The following LUC7L2 variants were observed in gnomAD, a reference collection of about 807,000 sequenced individuals.
LUC7L2 encodes putative RNA-binding protein Luc7-like 2.
A neutral mutation model predicts 52.8 loss-of-function variants in LUC7L2; 25 were observed. That is an observed-to-expected ratio of 0.47 (90% CI 0.34 to 0.66). The LOEUF is 0.66. Ranked by LOEUF, LUC7L2 falls within the 30% of genes least tolerant of loss-of-function variation. LUC7L2 has a pLI of 0.01. For synonymous variants in LUC7L2, 144 were observed against 160.9 expected (o/e 0.89, Z 0.80); for missense variants, 328 against 497.8 (o/e 0.66, Z 3.25).
intron 2 of LUC7L2, among the ~76,000 whole-genome samples, chr7:139,382,269 C>T (rs1801071662): frequency 6.6e-6 from 1 of 152,104 alleles, no homozygotes; most frequent in South Asian, 2.1e-4. Flanking sequence ...AAGTGATCTG[C>T]CTGCCTAAGC....
intron 2 of LUC7L2, among the ~76,000 whole-genome samples, chr7:139,384,545 A>G (rs1794105233): frequency 6.6e-6 from 1 of 152,222 alleles, no homozygotes; most frequent in South Asian, 2.1e-4. Flanking sequence ...AGACTGCCTA[A>G]ATAAAAAATG....
rs755416651 is a variant in LUC7L2 at position 139,392,460 on chromosome 7, A to G, written c.157-6139A>G. ...AAACAATATAAAATGCTGTGGAGCTATAAGTTACCAGGATCAGGTATAGTT... is the reference window on the plus strand; with the variant it reads ...AAACAATATAAAATGCTGTGGAGCTGTAAGTTACCAGGATCAGGTATAGTT... On this transcript the variant is annotated intron_variant, in intron 2 of 9. Transcript: ENST00000354926. 6.8e-5 allele frequency: 28 copies of G among 411,812 alleles called. 1 individual carries two copies. The highest frequency in any genetic ancestry group is 4.1e-4 in the South Asian group (23 of 56,194). 25.5% of individuals were successfully genotyped at this position (411,812 alleles called of 1,614,324 possible).
chr7:139,342,784 G>T (rs1799058795), intron 1 of LUC7L2, among the ~76,000 whole-genome samples: 1 of 152,154 alleles, frequency 6.6e-6, no homozygotes, highest in Non-Finnish European at 1.5e-5. Flanking sequence ...TTTTAAGGAG[G>T]TGACATGATT....
Position 139,386,008 on chromosome 7 carries a change from A to AT in LUC7L2, c.156+9863dup, listed in dbSNP as rs956021945. The stretch of plus-strand genomic sequence containing the variant: ...AAGAAATGAAAACTTGAAAACAATA[A>AT]TTTTTTTTTTTGAGACCAGAGTCTT... On this transcript the variant is annotated intron_variant, in intron 2 of 9. Coordinates refer to ENST00000354926, the MANE Select transcript of LUC7L2 (RefSeq NM_016019.5). 2.1e-4 allele frequency among the ~76,000 whole-genome samples: 31 copies of AT among 149,402 alleles called. 1 individual carries two copies. The highest frequency in any genetic ancestry group is 3.9e-4 in the African/African-American group (16 of 40,944).
At position 139,405,632 on chromosome 7, in the gene LUC7L2, A is replaced by T. The variant is rs760512226; in HGVS notation, c.367-12A>T. The T allele has an allele frequency of 6.4e-7, 1 of 1,573,804 alleles. No individual in the cohort carries two copies. ...TTGTTTATTCATGATCTTCTTTTTTATTTCTTTTTAGGCAGAACGTGTTCA... is the reference window on the plus strand; with the variant it reads ...TTGTTTATTCATGATCTTCTTTTTTTTTTCTTTTTAGGCAGAACGTGTTCA... On this transcript the variant is annotated splice_polypyrimidine_tract_variant and intron_variant, in intron 4 of 9. Coordinates refer to ENST00000354926, the MANE Select transcript of LUC7L2 (RefSeq NM_016019.5).
intron 9 of LUC7L2, 66 bp from the exon 10 acceptor site, chr7:139,422,097 C>T (rs1366920702): frequency 6.5e-7 from 1 of 1,528,312 alleles, no homozygotes; most frequent in Non-Finnish European, 8.7e-7. Flanking sequence ...TAATATTTAT[C>T]CTATTCTTTA....
chr7:139,361,884 A>G (rs1244594965), intron 1 of LUC7L2, among the ~76,000 whole-genome samples: 1 of 152,184 alleles, frequency 6.6e-6, no homozygotes, highest in Non-Finnish European at 1.5e-5. Context: ...TTAATCCTTG[A>G]TGGATACCAT....
At chr7:139,402,968 A>T (rs1794981789) in intron 4 of LUC7L2, among the ~76,000 whole-genome samples, 1 of 152,216 alleles carries the variant, frequency 6.6e-6, no homozygotes, top group African/African-American at 2.4e-5. Flanking sequence ...CTTGGCAACC[A>T]CTAACCTATT....
intron 5 of LUC7L2, among the ~76,000 whole-genome samples, 173 bp downstream of exon 5, chr7:139,405,960 C>T (rs949058824): frequency 2.0e-5 from 3 of 152,186 alleles, no homozygotes; most frequent in African/African-American, 7.2e-5. Context: ...AAACAAAACT[C>T]GGAAAAAGCT....
chr7:139,360,447 G>T, intron 1 of LUC7L2, 125 bp downstream of exon 1: 1 of 817,540 alleles, frequency 1.2e-6, no homozygotes, highest in Non-Finnish European at 1.9e-6. Context: ...GGTAACACGA[G>T]GTCCCCGTCC....
intron 4 of LUC7L2, among the ~76,000 whole-genome samples, chr7:139,404,703 G>A (rs1795046356): frequency 6.6e-6 from 1 of 152,236 alleles, no homozygotes; most frequent in Non-Finnish European, 1.5e-5. Context: ...CAAGGCCAGA[G>A]TTAATCCTGG....
At chr7:139,403,091 GT>G (rs2131285391) in intron 4 of LUC7L2, among the ~76,000 whole-genome samples, 1 of 152,286 alleles carries the variant, frequency 6.6e-6, no homozygotes, top group Admixed American at 6.5e-5. Flanking sequence ...ATTCATTCAA[GT>G]TGTGTGTATC....
intron 9 of LUC7L2, among the ~76,000 whole-genome samples, chr7:139,421,100 C>CT (rs893993721): frequency 6.6e-6 from 1 of 152,170 alleles, no homozygotes; most frequent in Non-Finnish European, 1.5e-5. Context: ...CGTGCCCAGT[C>CT]TTTTTATATC....
chr7:139,420,541 C>T (rs1362366025), intron 9 of LUC7L2, among the ~76,000 whole-genome samples: 1 of 152,102 alleles, frequency 6.6e-6, no homozygotes, highest in Non-Finnish European at 1.5e-5. Context: ...CTGTCTTTCC[C>T]CATCTACTAA....
At chr7:139,381,304 A>G (rs1422977970) in intron 2 of LUC7L2, among the ~76,000 whole-genome samples, 1 of 152,114 alleles carries the variant, frequency 6.6e-6, no homozygotes, top group African/African-American at 2.4e-5. Context: ...CTCATGCACT[A>G]AGGATTTAGG....
chr7:139,387,526 T>C (rs189785786), intron 2 of LUC7L2, among the ~76,000 whole-genome samples: 71 of 152,232 alleles, frequency 4.7e-4, no homozygotes, highest in African/African-American at 1.7e-3. Context: ...GAGCTCTTGT[T>C]TCCTGATGGA....
At chr7:139,393,689 GC>G (rs1388040869) in intron 2 of LUC7L2, among the ~76,000 whole-genome samples, 1 of 152,088 alleles carries the variant, frequency 6.6e-6, no homozygotes, top group African/African-American at 2.4e-5. Flanking sequence ...TCAAGTATCT[GC>G]CTGCCTTGGC....
chr7:139,358,572 A>G (rs1799694960), upstream of LUC7L2, among the ~76,000 whole-genome samples: 1 of 152,238 alleles, frequency 6.6e-6, no homozygotes, highest in Non-Finnish European at 1.5e-5. Context: ...CTTTCAAAGT[A>G]TCTAGAAAGT....
intron 8 of LUC7L2, among the ~76,000 whole-genome samples, chr7:139,414,798 C>T (rs1186920833): frequency 6.6e-6 from 1 of 152,142 alleles, no homozygotes; most frequent in Non-Finnish European, 1.5e-5. Context: ...TTCAGCTTTG[C>T]TTCAGTGCCA....
Sources: gnomAD v4.1 joint callset for allele counts (sites outside exome capture counted in the v4.1 genomes callset) on GRCh38, gnomAD v4.1.1 for gene constraint, MANE v1.5 for transcripts, NCBI Gene and HGNC (gene_info 2026-07-23, HGNC 2026-07-21) for gene names.